The following TLN1 variants were observed in gnomAD, a reference collection of about 807,000 sequenced individuals.
TLN1 encodes talin 1.
A neutral mutation model predicts 292.3 loss-of-function variants in TLN1; 56 were observed. The ratio of observed to expected loss-of-function variants is 0.19; its 90% CI spans 0.15 to 0.24. The LOEUF (loss-of-function observed/expected upper bound fraction) is 0.24. Among genes scored for constraint, TLN1 ranks in the 10% least tolerant of loss-of-function variants. The probability of loss-of-function intolerance (pLI) is 1.00; values close to 1 mark genes in which losing one functional copy is unlikely to be tolerated. For synonymous variants in TLN1, 1,119 were observed against 1,253.7 expected, an observed-to-expected ratio of 0.89 and a Z score of 2.27; for missense variants, 2,433 against 3,248.2, an observed-to-expected ratio of 0.75 and a Z score of 6.10.
At chr9:35,718,987 C>T in intron 16 of TLN1, 77 bp from the exon 17 acceptor site, 1 of 1,596,470 alleles carries the variant, frequency 6.3e-7, no homozygotes, top group Non-Finnish European at 8.6e-7. Flanking sequence ...CCCACGGGAC[C>T]CAGGCTTCCA....
At position 35,706,737 on chromosome 9, in the gene TLN1, A is replaced by T. The variant is rs1329005065; in HGVS notation, c.5088+31T>A. ...GAGTCTGATATTTCTCTTCCTAGACACATCTTTCCATATAACCCTCTCCCT... is the reference window on the plus strand; with the variant it reads ...GAGTCTGATATTTCTCTTCCTAGACTCATCTTTCCATATAACCCTCTCCCT... On this transcript the variant is annotated intron_variant, in intron 38 of 56. Coordinates refer to ENST00000314888, the MANE Select transcript of TLN1 (RefSeq NM_006289.4). The surrounding 1 kb of genome is among the most constrained non-coding windows in gnomAD (Gnocchi z 4.2). The T allele has an allele frequency of 6.2e-7, 1 of 1,608,200 alleles. No homozygotes were observed.
rs766319083 is a variant in TLN1 at position 35,697,747 on chromosome 9, GCA to G, written c.*42_*43del. ...GCCCAGAAGGCTTTGGTAGTGGCAC[GCA>G]CAGTCTCTGGGCCGGGTCTGCATTA... On this transcript the variant is annotated 3_prime_UTR_variant, in exon 57 of 57. Transcript: ENST00000314888. The G allele has an allele frequency of 5.6e-6, 9 of 1,606,992 alleles. No individual in the cohort carries two copies. Among genetic ancestry groups the G allele is most frequent in the Middle Eastern group, 1.7e-4 (1 of 5,802 alleles).
At position 35,708,345 on chromosome 9, in the gene TLN1, G is replaced by C; in HGVS notation, c.4466C>G (p.Ala1489Gly). Residue 1489 changes from alanine (A) to glycine (G), a missense_variant, in exon 34 of 57, where the codon GCC becomes GGC. By Grantham distance (60) the Ala-to-Gly change is moderately conservative. Transcript: ENST00000314888. Reference sequence around the variant, plus strand: ...GTCCCTGTTCCCTTGAGTTACCTGGGCCTGGGTACAGCCAGGCTCTCCCAA... The same window carrying C: ...GTCCCTGTTCCCTTGAGTTACCTGGCCCTGGGTACAGCCAGGCTCTCCCAA... The part of the protein sequence containing the change: ...QSLGEPGCTQ[A>G]QVLSAATIVA... 6.2e-7 allele frequency: 1 copy of C among 1,604,202 alleles called. No individual in the cohort carries two copies. Among genetic ancestry groups the C allele is most frequent in the Middle Eastern group, 1.7e-4 (1 of 5,928 alleles).
chr9:35,709,684 C>A (rs982591415), intron 33 of TLN1, among the ~76,000 whole-genome samples: 3 of 148,952 alleles, frequency 2.0e-5, no homozygotes, highest in African/African-American at 7.4e-5. Context: ...GTCAGGAGAT[C>A]GAGACCATCC....
intron 33 of TLN1, among the ~76,000 whole-genome samples, chr9:35,710,245 A>T (rs1243028879): frequency 1.3e-5 from 2 of 150,392 alleles, no homozygotes; most frequent in Non-Finnish European, 3.0e-5. Flanking sequence ...AAAAAAAAAG[A>T]AAGTAGTAAT....
chr9:35,712,709 C>T, intron 27 of TLN1, 126 bp downstream of exon 27: 1 of 721,134 alleles, frequency 1.4e-6, no homozygotes, highest in Non-Finnish European at 2.3e-6. Context: ...GAGGGGCTGT[C>T]AAGAGCAGAC....
Position 35,699,443 on chromosome 9 carries a change from G to A in TLN1, c.6787C>T (p.Pro2263Ser). 6.2e-6 allele frequency: 10 copies of A among 1,613,710 alleles called. No individual in the cohort carries two copies. The highest frequency in any genetic ancestry group is 8.5e-6 in the Non-Finnish European group (10 of 1,179,796). The part of the protein sequence containing the change: ...HVLLTLQKPS[P>S]ELKQQLTGHS... ...CCTGTCAACTGCTGCTTCAGTTCTG[G>A]GCTTGGCTTCTGCAGGGTCTGGGCA... Residue 2263 changes from proline (P) to serine (S), a missense_variant, in exon 51 of 57, where the codon CCA becomes TCA. Pro to Ser is a moderately conservative substitution (Grantham distance 74). Around this residue, in one of 7 missense-constraint regions of TLN1, gnomAD observed 1,384 missense variants for 1,699.6 expected, o/e 0.81. Coordinates refer to ENST00000314888, the MANE Select transcript of TLN1 (RefSeq NM_006289.4). The surrounding 1 kb of genome is among the most constrained non-coding windows in gnomAD (Gnocchi z 4.0).
In TLN1 at chr9:35,707,746, A is replaced by G; in HGVS notation, c.4617T>C (p.Leu1539=). 2 of 1,614,190 alleles carry G rather than the reference A, an allele frequency of 1.2e-6. No homozygotes were observed. The highest frequency in any genetic ancestry group is 1.3e-5 in the African/African-American group (1 of 75,048). ...CAATGGGAACCTTGATGGTCTTGACAAGATTAGCTGTGCTGTTGGCCACCT... is the reference window on the plus strand; with the variant it reads ...CAATGGGAACCTTGATGGTCTTGACGAGATTAGCTGTGCTGTTGGCCACCT... ...AKEVANSTAN[L]VKTIKALDGA... is the part of the protein sequence containing the mutation. The change falls in exon 35 of 57, where the codon CTT becomes CTC. Residue 1539 remains leucine (L), a synonymous_variant. Transcript: ENST00000314888. The surrounding 1 kb of genome is among the most constrained non-coding windows in gnomAD (Gnocchi z 5.6).
intron 8 of TLN1, 63 bp from the exon 9 acceptor site, chr9:35,722,286 T>C (rs1296019980): frequency 1.4e-6 from 2 of 1,386,734 alleles, no homozygotes; most frequent in East Asian, 2.3e-5. Context: ...GAATTAAGGT[T>C]GGATGCTAAC....
chr9:35,713,419 C>T, intron 25 of TLN1, 121 bp from the exon 26 acceptor site: 2 of 735,712 alleles, frequency 2.7e-6, no homozygotes, highest in Non-Finnish European at 4.4e-6. Flanking sequence ...TGCGATGGCT[C>T]CCACCTATAA....
chr9:35,730,034 C>T (rs1826046012), intron 1 of TLN1, among the ~76,000 whole-genome samples: 1 of 135,450 alleles, frequency 7.4e-6, no homozygotes, highest in African/African-American at 2.7e-5. Context: ...AATACATATA[C>T]ATAAGATACA....
intron 20 of TLN1, 67 bp from the exon 21 acceptor site, chr9:35,715,254 C>G: frequency 6.3e-7 from 1 of 1,580,342 alleles, no homozygotes; most frequent in South Asian, 1.1e-5. Flanking sequence ...GCTCCTCTCT[C>G]ACTCCTCTAG....
In TLN1 at chr9:35,706,949, G is replaced by A. The variant is rs769344314; in HGVS notation, c.4956-49C>T. 6 of 1,610,320 alleles carry A rather than the reference G, an allele frequency of 3.7e-6. No individual in the cohort carries two copies. Among genetic ancestry groups the A allele is most frequent in the Non-Finnish European group, 5.1e-6 (6 of 1,178,318 alleles). On this transcript the variant is annotated intron_variant, in intron 37 of 56. Transcript: ENST00000314888. This position sits in a 1 kb window ranked among gnomAD's most constrained non-coding sequence, Gnocchi z 4.2. ...ACACCAAGAACATCCCCTACTGCAA[G>A]GCCAGCCTATCCTTCCCCTGTATCC...
Position 35,711,398 on chromosome 9 carries a change from T to A in TLN1, c.3880-4A>T. The A allele has an allele frequency of 1.2e-6, 2 of 1,614,214 alleles. No individual in the cohort carries two copies. The highest frequency in any genetic ancestry group is 8.5e-7 in the Non-Finnish European group (1 of 1,180,034). The stretch of plus-strand genomic sequence containing the variant: ...CTTGGGCTCGGTCCTCCTGGCTCTG[T>A]TGAAGGTGACAAGGTCAATGCATTG... On this transcript the variant is annotated splice_polypyrimidine_tract_variant and splice_region_variant and intron_variant, in intron 29 of 56. Transcript: ENST00000314888.
intron 32 of TLN1, 35 bp downstream of exon 32, chr9:35,710,762 T>C: frequency 6.2e-7 from 1 of 1,613,982 alleles, no homozygotes; most frequent in Non-Finnish European, 8.5e-7. Context: ...TCCATCCTAC[T>C]GCCCTCTCTC....
chr9:35,703,948 C>A, intron 46 of TLN1, 43 bp downstream of exon 46: 1 of 1,613,112 alleles, frequency 6.2e-7, no homozygotes, highest in Non-Finnish European at 8.5e-7. Flanking sequence ...AGAAGCGGGA[C>A]AGGAAGTGAT....
At position 35,707,327 on chromosome 9, in the gene TLN1, T is replaced by C; in HGVS notation, c.4773+21A>G. 1 of 1,612,176 alleles carries C rather than the reference T, an allele frequency of 6.2e-7. No individual in the cohort carries two copies. Among genetic ancestry groups the C allele is most frequent in the Non-Finnish European group, 8.5e-7 (1 of 1,178,604 alleles). On this transcript the variant is annotated intron_variant, in intron 36 of 56. Coordinates refer to ENST00000314888, the MANE Select transcript of TLN1 (RefSeq NM_006289.4). The surrounding 1 kb of genome is among the most constrained non-coding windows in gnomAD (Gnocchi z 5.6). ...TGAGGTGATAAGCTGGCCCATCAGT[T>C]CCCCCTTCACATCGCCTCACCTCAG... is the stretch of plus-strand genomic sequence containing the variant.
chr9:35,723,536 T>C, intron 7 of TLN1: 1 of 214,306 alleles, frequency 4.7e-6, no homozygotes, highest in South Asian at 6.0e-5. Flanking sequence ...AGAAAGAGCT[T>C]TCTAGAAGGA....
intron 33 of TLN1, among the ~76,000 whole-genome samples, chr9:35,709,029 A>G (rs1825613172): frequency 6.6e-6 from 1 of 152,260 alleles, no homozygotes; most frequent in Non-Finnish European, 1.5e-5. Flanking sequence ...TCATACTTCA[A>G]TCAATACACA....
Sources: allele counts gnomAD v4.1 joint callset (sites outside exome capture counted in the v4.1 genomes callset), GRCh38; gene constraint gnomAD v4.1.1; regional missense constraint gnomAD v4.1.1; non-coding constraint Gnocchi (gnomAD v3.1); transcripts MANE v1.5; gene names NCBI Gene and HGNC (gene_info 2026-07-23, HGNC 2026-07-21).